GET1: variants seen among roughly 807,000 people sequenced by gnomAD.
GET1 encodes congenital heart disease 5 protein.
A neutral mutation model predicts 22.6 loss-of-function variants in GET1; 20 were observed. The ratio of observed to expected loss-of-function variants is 0.89; its 90% confidence interval spans 0.62 to 1.29. The LOEUF (loss-of-function observed/expected upper bound fraction) is 1.29. Among genes scored for constraint, GET1 ranks in the 50% most tolerant of loss-of-function variants. The pLI is 0.00. For missense variants in GET1, 209 were observed against 219.9 expected (o/e 0.95, Z 0.31); for synonymous variants, 92 against 83.8 (o/e 1.10, Z -0.53).
In GET1 at chr21:39,413,575, T is replaced by C. The variant is rs2040485790; in HGVS notation, c.*23+2638T>C. 2.6e-5 allele frequency among the ~76,000 whole-genome samples: 4 copies of C among 152,220 alleles called. No homozygotes were observed. The South Asian group carries it at 8.3e-4, about 32-fold the overall frequency. On this transcript the variant is annotated intron_variant, in intron 1 of 1. Coordinates refer to the GET1 transcript ENST00000478273. ...CAGAGGTACACAAAGGGATAAAACA[T>C]GAGAATATTAATCTTTTCTAGAATT...
chr21:39,405,469 C>T (rs2038991353), intron 4 of GET1, among the ~76,000 whole-genome samples: 1 of 152,198 alleles, frequency 6.6e-6, no homozygotes, highest in African/African-American at 2.4e-5. Context: ...GCTGGGATTA[C>T]AGGCAAGAAC....
At position 39,428,219 on chromosome 21, in the gene GET1, T is replaced by C. The variant is rs770635005; in HGVS notation, c.*24-13T>C. 8 of 1,601,646 alleles carry C rather than the reference T, an allele frequency of 5.0e-6. No homozygotes were observed. The South Asian group carries it at 8.9e-5, about 18-fold the overall frequency. On this transcript the variant is annotated splice_polypyrimidine_tract_variant and intron_variant, in intron 1 of 1. Transcript: ENST00000478273. ...AACATTATACTTTTTCTTCTCCTTT[T>C]CTTTTACCACAGGCTGCTTTAAATA...
intron 3 of GET1, 167 bp downstream of exon 3, chr21:39,392,003 C>CTT (rs2038332423): frequency 1.6e-6 from 1 of 618,610 alleles, no homozygotes; most frequent in African/African-American, 1.9e-5. Flanking sequence ...CTAAGTCAGA[C>CTT]TAAAAGGAAG....
chr21:39,387,693 C>A (rs2038002258), intron 1 of GET1: 2 of 669,076 alleles, frequency 3.0e-6, no homozygotes, highest in African/African-American at 2.2e-5. Context: ...CCCCACACTC[C>A]CCCCCCCCAC....
chr21:39,393,875 C>T (rs1034374654), intron 4 of GET1, among the ~76,000 whole-genome samples: 4 of 151,064 alleles, frequency 2.6e-5, no homozygotes, highest in African/African-American at 4.9e-5. Context: ...GTCTCAAACT[C>T]CTGACCTTAA....
At chr21:39,390,285 A>G (rs2038212888) in intron 1 of GET1, among the ~76,000 whole-genome samples, 1 of 152,196 alleles carries the variant, frequency 6.6e-6, no homozygotes, top group South Asian at 2.1e-4. Flanking sequence ...TTCCAAAGAA[A>G]GAAGCACTAA....
At chr21:39,381,034 C>T in intron 1 of GET1, 1 of 802,896 alleles carries the variant, frequency 1.2e-6, no homozygotes, top group Non-Finnish European at 1.5e-6. Context: ...GTAGTGAGTA[C>T]ATTACCTCTG....
intron 1 of GET1, among the ~76,000 whole-genome samples, chr21:39,417,600 A>C (rs978052381): frequency 1.3e-5 from 2 of 152,102 alleles, no homozygotes; most frequent in African/African-American, 2.4e-5. Context: ...GAGTCTAGGT[A>C]ATTTATAAGG....
At position 39,397,048 on chromosome 21, in the gene GET1, A is replaced by AT. The variant is rs971027747; in HGVS notation, c.*119dup. ...TAAGAAACAAAAGTGCATAGTTTAG[A>AT]TTTTTTTTTTGTTGAATATGTTTGT... is the stretch of plus-strand genomic sequence containing the variant. On this transcript the variant is annotated 3_prime_UTR_variant, in exon 5 of 5. Coordinates refer to ENST00000649170, the MANE Select transcript of GET1 (RefSeq NM_004627.6). 0.011 allele frequency: 11,412 copies of AT among 1,029,000 alleles called. 1 individual carries two copies. The highest frequency in any genetic ancestry group is 0.012 in the East Asian group (401 of 33,654). 63.7% of individuals were successfully genotyped at this position (1,029,000 alleles called of 1,614,324 possible). A position where few individuals can be genotyped will look rare whatever the true frequency, so the allele number is the denominator to read the frequency against.
At chr21:39,380,673 C>G (rs2146889849) in intron 1 of GET1, 187 bp downstream of exon 1, 1 of 1,412,836 alleles carries the variant, frequency 7.1e-7, no homozygotes, top group African/African-American at 1.4e-5. Flanking sequence ...CAAAATCAGA[C>G]TTTCTGGGTT....
intron 1 of GET1, among the ~76,000 whole-genome samples, chr21:39,414,694 G>C (rs1325801591): frequency 6.8e-6 from 1 of 148,058 alleles, no homozygotes; most frequent in Non-Finnish European, 1.5e-5. Context: ...AGGCAGTACT[G>C]CATCTGTCTG....
downstream of GET1, among the ~76,000 whole-genome samples, chr21:39,401,743 TTGTG>T (rs139203877): frequency 6.6e-6 from 1 of 152,260 alleles, no homozygotes; most frequent in African/African-American, 2.4e-5. Context: ...TGTGCTCACT[TTGTG>T]TGTGTGTGTC....
downstream of GET1, chr21:39,410,115 G>A (rs778216804): frequency 1.3e-5 from 20 of 1,528,678 alleles, no homozygotes; most frequent in Admixed American, 2.7e-4. Flanking sequence ...TAGAAAAGCA[G>A]CAAAAACACA....
intron 3 of GET1, 101 bp from the exon 4 acceptor site, chr21:39,393,065 A>C: frequency 2.1e-6 from 2 of 974,890 alleles, no homozygotes; most frequent in Non-Finnish European, 3.2e-6. Context: ...CTCAGTCTGG[A>C]GAGTTTTCCT....
intron 4 of GET1, among the ~76,000 whole-genome samples, chr21:39,403,339 TAG>T (rs2038885392): frequency 6.6e-6 from 1 of 152,218 alleles, no homozygotes; most frequent in African/African-American, 2.4e-5. Flanking sequence ...TTTAATTAAT[TAG>T]TTTGACACGG....
At chr21:39,401,336 CTG>C (rs1332964634), downstream of GET1, among the ~76,000 whole-genome samples, 1 of 152,120 alleles carries the variant, frequency 6.6e-6, no homozygotes, top group Non-Finnish European at 1.5e-5. Context: ...GTGTGAGCCA[CTG>C]TGTCCAGCCA....
At chr21:39,392,597 A>G (rs754385966) in intron 3 of GET1, among the ~76,000 whole-genome samples, 3 of 152,222 alleles carry the variant, frequency 2.0e-5, no homozygotes, top group Non-Finnish European at 4.4e-5. Flanking sequence ...GGAAGGGGAC[A>G]GATGACAATC....
At chr21:39,394,804 G>A (rs895794138) in intron 4 of GET1, among the ~76,000 whole-genome samples, 1 of 152,150 alleles carries the variant, frequency 6.6e-6, no homozygotes, top group African/African-American at 2.4e-5. Context: ...TAGCATATTA[G>A]CATATGAATT....
At position 39,418,990 on chromosome 21, in the gene GET1, C is replaced by A. The variant is rs867308520; in HGVS notation, c.*23+8053C>A. On this transcript the variant is annotated intron_variant, in intron 1 of 1. Coordinates refer to the GET1 transcript ENST00000478273. The stretch of plus-strand genomic sequence containing the variant: ...TAGCCATGCCTATGTTCTATGTATT[C>A]TTTTTGAAGTTTCCTGGAACTCCAC... Among the ~76,000 whole-genome samples the A allele has an allele frequency of 2.6e-5, 4 of 152,078 alleles. No individual in the cohort carries two copies. In the South Asian group the frequency reaches 6.2e-4, roughly 24 times the overall value.
Sources: allele counts gnomAD v4.1 joint callset (sites outside exome capture counted in the v4.1 genomes callset), GRCh38; gene constraint gnomAD v4.1.1; transcripts MANE v1.5; gene names NCBI Gene and HGNC (gene_info 2026-07-23, HGNC 2026-07-21).